Variants in DNAAF8 observed in about 807,000 individuals in gnomAD.
DNAAF8 encodes the protein dynein axonemal-associated protein 1.
DNAAF8 carries 61 observed loss-of-function variants against 54.6 expected under a neutral mutation model. The ratio of observed to expected loss-of-function variants is 1.12; its 90% CI spans 0.91 to 1.38. The LOEUF (loss-of-function observed/expected upper bound fraction) is 1.38, where lower values mean the gene tolerates loss of function less well. Ranked by LOEUF, DNAAF8 falls within the 40% of genes most tolerant of loss-of-function variation. The pLI, the probability that DNAAF8 is intolerant of heterozygous loss-of-function variation, is 0.00. For synonymous variants in DNAAF8, 320 were observed against 270.1 expected (o/e 1.18, Z -1.81); for missense variants, 837 against 665.0 (o/e 1.26, Z -2.85).
Position 4,747,467 on chromosome 16 carries a change from G to C in DNAAF8, c.1405G>C (p.Ala469Pro). ...GAGGGCTCAGGCCCCTGAAGACACAGCTGGATCACGAACTGGGAGGAAGCA... is the reference window on the plus strand; with the variant it reads ...GAGGGCTCAGGCCCCTGAAGACACACCTGGATCACGAACTGGGAGGAAGCA... Reference protein sequence around the residue: ...GGRAQAPEDTAGSRTGRKQHM... With the variant: ...GGRAQAPEDTPGSRTGRKQHM... The change falls in exon 9 of 10, where the codon GCT becomes CCT. Residue 469 changes from alanine to proline, a missense_variant. Physicochemically the swap from Ala to Pro is conservative, Grantham distance 27 (BLOSUM62 -1). Transcript: ENST00000299320. 6.2e-7 allele frequency: 1 copy of C among 1,613,280 alleles called. No homozygotes were observed. The highest frequency in any genetic ancestry group is 1.1e-5 in the South Asian group (1 of 91,088).
At chr16:4,740,956 G>A (rs1361503114) in intron 4 of DNAAF8, among the ~76,000 whole-genome samples, 5 of 151,444 alleles carry the variant, frequency 3.3e-5, no homozygotes, top group East Asian at 2.0e-4. Context: ...AGGCCGAGGC[G>A]GGAGCCCCGG....
At chr16:4,736,999 G>C (rs2081907955) in intron 2 of DNAAF8, among the ~76,000 whole-genome samples, 1 of 152,230 alleles carries the variant, frequency 6.6e-6, no homozygotes, top group South Asian at 2.1e-4. Flanking sequence ...TGCCAGGACA[G>C]GGCCAGAACA....
intron 4 of DNAAF8, among the ~76,000 whole-genome samples, chr16:4,742,376 G>A (rs1214020250): frequency 1.3e-5 from 2 of 151,936 alleles, no homozygotes; most frequent in Non-Finnish European, 1.5e-5. Flanking sequence ...CCAACATGGT[G>A]AAACCCCATC....
At chr16:4,746,024 C>T (rs1364816788) in intron 6 of DNAAF8, 1 of 198,458 alleles carries the variant, frequency 5.0e-6, no homozygotes, top group Non-Finnish European at 1.0e-5. Flanking sequence ...AGCCATTAGC[C>T]GTGTGTGGCT....
intron 1 of DNAAF8, among the ~76,000 whole-genome samples, 182 bp from the exon 2 acceptor site, chr16:4,736,280 AAC>A (rs1027442329): frequency 6.6e-6 from 1 of 151,678 alleles, no homozygotes; most frequent in Non-Finnish European, 1.5e-5. Flanking sequence ...CATGAGTGGG[AAC>A]ACACACACAC....
chr16:4,744,087 G>T (rs557401051), intron 5 of DNAAF8, among the ~76,000 whole-genome samples: 12 of 151,936 alleles, frequency 7.9e-5, no homozygotes, highest in Admixed American at 6.6e-4. Context: ...GTGCCACCAC[G>T]CCTGGCTAAT....
chr16:4,739,269 T>TTTTTTTTTTTG (rs1567496802), intron 3 of DNAAF8, among the ~76,000 whole-genome samples: 7 of 132,176 alleles, frequency 5.3e-5, no homozygotes, highest in East Asian at 2.2e-4. Context: ...TTTCTTGTTT[T>TTTTTTTTTTTG]TTTTTTTTTT....
chr16:4,742,632 A>C (rs978136274), intron 4 of DNAAF8, among the ~76,000 whole-genome samples: 1 of 152,070 alleles, frequency 6.6e-6, no homozygotes, highest in African/African-American at 2.4e-5. Flanking sequence ...AGGCAGGAGA[A>C]TCACTTGAAC....
Position 4,736,662 on chromosome 16 carries a change from C to A in DNAAF8, c.129+19C>A. On this transcript the variant is annotated intron_variant, in intron 2 of 9. Transcript: ENST00000299320. ...CCCTTTGGTAAGCAAGAACTCTCTCCCTGGATGCCTTGTCCTTCCTACCAG... is the reference window on the plus strand; with the variant it reads ...CCCTTTGGTAAGCAAGAACTCTCTCACTGGATGCCTTGTCCTTCCTACCAG... 6.5e-7 allele frequency: 1 copy of A among 1,539,222 alleles called. No homozygotes were observed. Among genetic ancestry groups the A allele is most frequent in the Non-Finnish European group, 8.8e-7 (1 of 1,139,374 alleles).
intron 8 of DNAAF8, 86 bp from the exon 9 acceptor site, chr16:4,747,257 C>T (rs2082029418): frequency 1.4e-6 from 2 of 1,444,560 alleles, no homozygotes; most frequent in East Asian, 2.3e-5. Flanking sequence ...GAGCTGGGCT[C>T]ATCTGCTTTT....
intron 5 of DNAAF8, 86 bp from the exon 6 acceptor site, chr16:4,744,784 A>C: frequency 6.8e-7 from 1 of 1,463,442 alleles, no homozygotes; most frequent in Non-Finnish European, 9.3e-7. Context: ...ACATGTGGAG[A>C]CCCCAGGGGT....
In DNAAF8 at chr16:4,749,212, G is replaced by C. The variant is rs929127042; in HGVS notation, c.*497G>C. On this transcript the variant is annotated 3_prime_UTR_variant, in exon 10 of 10. Transcript: ENST00000299320. ...CTCCGGGGCCTGTGCCGCCAGAACC[G>C]GGCTCTGCCCCCATACGCTGCCCTC... 6.5e-6 allele frequency: 1 copy of C among 154,478 alleles called. No homozygotes were observed. The highest frequency in any genetic ancestry group is 1.5e-5 in the Non-Finnish European group (1 of 68,282). The allele number at this position is 154,478 out of a possible 1,614,324, so 9.6% of individuals were successfully genotyped here. A position where few individuals can be genotyped will look rare whatever the true frequency, so the allele number is the denominator to read the frequency against.
Position 4,744,910 on chromosome 16 carries a change from G to A in DNAAF8, c.942G>A (p.Gln314=), listed in dbSNP as rs140721848. The change falls in exon 6 of 10, where the codon CAG becomes CAA. Residue 314 remains glutamine (Q), a synonymous_variant. Coordinates refer to ENST00000299320, the MANE Select transcript of DNAAF8 (RefSeq NM_139170.3). ...VPSAHNRLME[Q]LALLCTTQSK... The stretch of plus-strand genomic sequence containing the variant: ...GCGCCCACAACAGGCTCATGGAACA[G>A]CTGGCCCTCCTGTGCACCACGCAGT... The A allele has an allele frequency of 1.3e-4, 207 of 1,613,870 alleles. No individual in the cohort carries two copies. In the African/African-American group the frequency reaches 2.3e-3, roughly 18 times the overall value.
At chr16:4,741,892 AAAGT>A (rs2081964967) in intron 4 of DNAAF8, among the ~76,000 whole-genome samples, 1 of 152,244 alleles carries the variant, frequency 6.6e-6, no homozygotes, top group Admixed American at 6.5e-5. Flanking sequence ...ACTGGACAGA[AAAGT>A]AACCATCACA....
chr16:4,736,401 A>G, intron 1 of DNAAF8, 63 bp from the exon 2 acceptor site: 5 of 1,216,794 alleles, frequency 4.1e-6, no homozygotes, highest in Non-Finnish European at 5.4e-6. Context: ...CTGGTAGAGC[A>G]GCCCCTGCTC....
In DNAAF8 at chr16:4,737,713, G is replaced by T. The variant is rs1251870480; in HGVS notation, c.130-87G>T. 2.0e-6 allele frequency: 3 copies of T among 1,493,146 alleles called. No homozygotes were observed. The East Asian group carries it at 6.8e-5, about 34-fold the overall frequency. The allele number at this position is 1,493,146 out of a possible 1,614,324, so 92.5% of individuals were successfully genotyped here. A position where few individuals can be genotyped will look rare whatever the true frequency, so the allele number is the denominator to read the frequency against. ...GCTGGGCGGGCTGGGCTGGAAGTGAGAGTGGAGAGTGGAGAGCGGGGGTGG... is the reference window on the plus strand; with the variant it reads ...GCTGGGCGGGCTGGGCTGGAAGTGATAGTGGAGAGTGGAGAGCGGGGGTGG... On this transcript the variant is annotated intron_variant, in intron 2 of 9. Transcript: ENST00000299320.
Position 4,740,188 on chromosome 16 carries a change from T to G in DNAAF8, c.312T>G (p.Pro104=). 1 of 1,613,074 alleles carries G rather than the reference T, an allele frequency of 6.2e-7. No homozygotes were observed. The highest frequency in any genetic ancestry group is 8.5e-7 in the Non-Finnish European group (1 of 1,179,360). Residue 104 remains proline, a synonymous_variant, in exon 4 of 10, where the codon CCT becomes CCG. Transcript: ENST00000299320. ...TGCCTGCAGAATTGGCCACAGAACC[T>G]GGGTGCAGACAGAACACAAGGACAA... ...VLVPAELATE[P]GCRQNTRTKD...
chr16:4,736,599 G>A lies in DNAAF8; in HGVS notation c.85G>A (p.Ala29Thr), dbSNP rs775042982. 1.9e-6 allele frequency: 3 copies of A among 1,588,906 alleles called. No homozygotes were observed. Among genetic ancestry groups the A allele is most frequent in the African/African-American group, 1.3e-5 (1 of 74,586 alleles). ...QMGPWDAILKAVKDQLPSLDS... is the reference protein window; with the variant it reads ...QMGPWDAILKTVKDQLPSLDS... ...GGGGCCCTGGGATGCCATCCTCAAG[G>A]CTGTCAAAGACCAGCTCCCGTCTCT... The change falls in exon 2 of 10, where the codon GCT (alanine) becomes ACT (threonine). Residue 29 changes from alanine (A) to threonine (T), a missense_variant. Coordinates refer to ENST00000299320, the MANE Select transcript of DNAAF8 (RefSeq NM_139170.3).
chr16:4,738,069 C>A, intron 3 of DNAAF8, 123 bp downstream of exon 3: 1 of 1,240,300 alleles, frequency 8.1e-7, no homozygotes, highest in African/African-American at 1.5e-5. Flanking sequence ...TTTTTTCCCC[C>A]ATGTACAACC....
Sources: allele counts gnomAD v4.1 joint callset (sites outside exome capture counted in the v4.1 genomes callset), GRCh38; gene constraint gnomAD v4.1.1; transcripts MANE v1.5; gene names NCBI Gene and HGNC (gene_info 2026-07-23, HGNC 2026-07-21).